NCOR2: variants seen among roughly 807,000 people sequenced by gnomAD.
NCOR2 encodes CTG repeat protein 26.
NCOR2 carries 81 observed loss-of-function variants against 262.9 expected under a neutral mutation model. The observed-to-expected ratio is 0.31, with a 90% confidence interval of 0.26 to 0.37. The LOEUF is 0.37. Among genes scored for constraint, NCOR2 ranks in the 10% least tolerant of loss-of-function variants. The probability of loss-of-function intolerance (pLI) is 1.00; values close to 1 mark genes in which losing one functional copy is unlikely to be tolerated. For missense variants in NCOR2, 3,385 were observed against 3,621.4 expected (o/e 0.93, Z 1.68); for synonymous variants, 1,659 against 1,559.3 (o/e 1.06, Z -1.51).
intron 1 of NCOR2, among the ~76,000 whole-genome samples, chr12:124,528,627 C>T (rs2050608892): frequency 6.6e-6 from 1 of 152,220 alleles, no homozygotes; most frequent in South Asian, 2.1e-4. Context: ...ATCCGGAAGG[C>T]ACAGCGTCTC....
chr12:124,556,870 G>A (rs934920311), intron 1 of NCOR2, among the ~76,000 whole-genome samples: 6 of 150,776 alleles, frequency 4.0e-5, no homozygotes, highest in East Asian at 1.9e-4. Flanking sequence ...AAAAAAATCC[G>A]AGAAAAATGG....
exon 40 of NCOR2, chr12:124,335,220 C>T: frequency 6.2e-7 from 1 of 1,610,550 alleles, no homozygotes; most frequent in East Asian, 2.2e-5. Flanking sequence ...CGAGGGCTGG[C>T]TCTCAGGCAG....
chr12:124,549,718 A>G lies in NCOR2; in HGVS notation c.-164-14107T>C, dbSNP rs1167771789. On this transcript the variant is annotated intron_variant, in intron 1 of 32. Transcript: ENST00000458234. This position sits in a 1 kb window ranked among gnomAD's most constrained non-coding sequence, Gnocchi z 4.4. ...CCCAGAAAGAAAACAGCCCGCCTGA[A>G]GGTGACAGAGCGCCTCGCCGTATCA... Among the ~76,000 whole-genome samples, 1 of 152,180 alleles carries G rather than the reference A, an allele frequency of 6.6e-6. No individual in the cohort carries two copies. The highest frequency in any genetic ancestry group is 1.5e-5 in the Non-Finnish European group (1 of 68,028).
chr12:124,460,791 T>C (rs936360654), intron 5 of NCOR2, among the ~76,000 whole-genome samples: 1 of 152,184 alleles, frequency 6.6e-6, no homozygotes, highest in African/African-American at 2.4e-5. Flanking sequence ...CCTGAACCTC[T>C]CCCATCTAGA....
At position 124,549,680 on chromosome 12, in the gene NCOR2, G is replaced by A. The variant is rs980163390; in HGVS notation, c.-164-14069C>T. ...CTATTACGAACACCCTTCTCCAGAT[G>A]GGGAAACCGAGGCCCAGAAAGAAAA... On this transcript the variant is annotated intron_variant, in intron 1 of 32. Transcript: ENST00000458234. The surrounding 1 kb of genome is among the most constrained non-coding windows in gnomAD (Gnocchi z 4.4). Among the ~76,000 whole-genome samples, 1 of 152,174 alleles carries A rather than the reference G, an allele frequency of 6.6e-6. No individual in the cohort carries two copies. Among genetic ancestry groups the A allele is most frequent in the Non-Finnish European group, 1.5e-5 (1 of 68,022 alleles).
intron 1 of NCOR2, among the ~76,000 whole-genome samples, chr12:124,527,126 C>A (rs1387592304): frequency 6.6e-6 from 1 of 152,232 alleles, no homozygotes; most frequent in Admixed American, 6.5e-5. Flanking sequence ...AGCAGTGAAA[C>A]CTCAGGAGGC....
At chr12:124,383,447 C>G in intron 17 of NCOR2, 1 of 702,666 alleles carries the variant, frequency 1.4e-6, no homozygotes, top group Non-Finnish European at 1.9e-6. Context: ...CCACACTCAA[C>G]AGGGTGCCTT....
intron 13 of NCOR2, among the ~76,000 whole-genome samples, chr12:124,416,591 C>T (rs1014752209): frequency 6.8e-6 from 1 of 147,912 alleles, no homozygotes; most frequent in African/African-American, 2.5e-5. Flanking sequence ...AGGGAGTCCC[C>T]GCGGCACAGA....
intron 22 of NCOR2, among the ~76,000 whole-genome samples, chr12:124,360,734 C>G (rs1244069): frequency 0.82 from 123,618 of 151,434 alleles, 51,088 homozygotes; most frequent in East Asian, 0.97. Context: ...CAGGGCCTTT[C>G]CCTGTGCTGT....
intron 1 of NCOR2, among the ~76,000 whole-genome samples, chr12:124,510,585 G>A (rs1197990014): frequency 6.6e-6 from 1 of 152,210 alleles, no homozygotes; most frequent in African/African-American, 2.4e-5. Context: ...AAACCCAGGC[G>A]AGCCACCTCC....
In NCOR2 at chr12:124,378,094, C is replaced by A; in HGVS notation, c.2167+143G>T. ...GAGTTTCTGGCAAGTCAGGCCCGCA[C>A]CTTCCAGGGAGTCGAGGCCCCTTCT... On this transcript the variant is annotated intron_variant, in intron 18 of 46. Transcript: ENST00000405201. The surrounding 1 kb of genome is among the most constrained non-coding windows in gnomAD (Gnocchi z 4.2). 6.7e-7 allele frequency: 1 copy of A among 1,485,642 alleles called. No homozygotes were observed. The highest frequency in any genetic ancestry group is 8.9e-7 in the Non-Finnish European group (1 of 1,118,546). 92.0% of individuals were successfully genotyped at this position (1,485,642 alleles called of 1,614,324 possible). A position where few individuals can be genotyped will look rare whatever the true frequency, so the allele number is the denominator to read the frequency against.
chr12:124,478,919 G>A (rs2047248618), intron 3 of NCOR2, among the ~76,000 whole-genome samples: 2 of 152,116 alleles, frequency 1.3e-5, no homozygotes, highest in Non-Finnish European at 2.9e-5. Context: ...AGATCCCAGA[G>A]GGCGCACCAC....
intron 32 of NCOR2, among the ~76,000 whole-genome samples, 188 bp from the exon 35 acceptor site, chr12:124,343,414 TTC>T (rs1322546874): frequency 6.6e-6 from 1 of 152,232 alleles, no homozygotes; most frequent in Non-Finnish European, 1.5e-5. Context: ...AAAAAATTCA[TTC>T]TTTCATCCAT....
At chr12:124,342,310 G>A (rs1484317880) in intron 33 of NCOR2, among the ~76,000 whole-genome samples, 2 of 152,168 alleles carry the variant, frequency 1.3e-5, no homozygotes, top group Admixed American at 1.3e-4. Flanking sequence ...CCCAAACATA[G>A]GACATCCCAA....
intron 1 of NCOR2, among the ~76,000 whole-genome samples, chr12:124,564,903 C>T (rs2052183441): frequency 6.6e-6 from 1 of 150,874 alleles, no homozygotes; most frequent in South Asian, 2.1e-4. Flanking sequence ...GCGCTGCCAG[C>T]GCCCCCTGCC....
chr12:124,326,402 T>C (rs1593055400), intron 45 of NCOR2, 32 bp from the exon 48 acceptor site: 6 of 1,470,538 alleles, frequency 4.1e-6, no homozygotes, highest in Non-Finnish European at 4.5e-6. Context: ...AGGGGCTGCG[T>C]TGGGCAGTGA....
In NCOR2 at chr12:124,457,044, C is replaced by CG; in HGVS notation, c.762+61_762+62insC. On this transcript the variant is annotated intron_variant, in intron 6 of 46. Transcript: ENST00000405201. The surrounding 1 kb of genome is among the most constrained non-coding windows in gnomAD (Gnocchi z 4.0). ...TCCTCCGCCGCACCCTCCCGCCTCC[C>CG]TGCCCACCTCTCCAGCCACCCCCGC... 9.5e-7 allele frequency: 1 copy of CG among 1,051,796 alleles called. No homozygotes were observed. The highest frequency in any genetic ancestry group is 1.3e-6 in the Non-Finnish European group (1 of 741,610). 65.2% of individuals were successfully genotyped at this position (1,051,796 alleles called of 1,614,324 possible). A position where few individuals can be genotyped will look rare whatever the true frequency, so the allele number is the denominator to read the frequency against.
intron 7 of NCOR2, among the ~76,000 whole-genome samples, chr12:124,445,588 A>G (rs2045110638): frequency 6.6e-6 from 1 of 152,166 alleles, no homozygotes; most frequent in Admixed American, 6.5e-5. Context: ...AAGCAATGAC[A>G]GCAGCGGGGG....
At chr12:124,448,794 C>T (rs2045346977) in intron 7 of NCOR2, among the ~76,000 whole-genome samples, 1 of 152,220 alleles carries the variant, frequency 6.6e-6, no homozygotes, top group South Asian at 2.1e-4. Flanking sequence ...GGGGAGCTCA[C>T]CACCGCATAT....
Sources: gnomAD v4.1 joint callset for allele counts (sites outside exome capture counted in the v4.1 genomes callset) on GRCh38, gnomAD v4.1.1 for gene constraint, Gnocchi (gnomAD v3.1) non-coding constraint, MANE v1.5 for transcripts, NCBI Gene and HGNC (gene_info 2026-07-23, HGNC 2026-07-21) for gene names.